Variants in GRID1 observed in about 807,000 individuals in gnomAD.
The protein encoded by GRID1 is glutamate ionotropic receptor delta type subunit 1.
A neutral mutation model predicts 98.0 loss-of-function variants in GRID1; 28 were observed. The observed-to-expected ratio is 0.29, with a 90% CI of 0.21 to 0.39. The LOEUF (loss-of-function observed/expected upper bound fraction) is 0.39. GRID1 is among the 10% of genes least tolerant of loss of function. The pLI, the probability that GRID1 is intolerant of heterozygous loss-of-function variation, is 1.00. For synonymous variants in GRID1, 553 were observed against 538.5 expected (o/e 1.03, Z -0.37); for missense variants, 1,111 against 1,340.5 (o/e 0.83, Z 2.67).
intron 4 of GRID1, among the ~76,000 whole-genome samples, chr10:86,131,036 C>T (rs1441739486): frequency 1.3e-5 from 2 of 152,194 alleles, no homozygotes; most frequent in Non-Finnish European, 2.9e-5. Flanking sequence ...CTCACCGGCA[C>T]CAGGAGAGGG....
intron 12 of GRID1, among the ~76,000 whole-genome samples, chr10:85,653,542 G>A (rs1238511777): frequency 6.6e-6 from 1 of 152,194 alleles, no homozygotes; most frequent in South Asian, 2.1e-4. Context: ...GGAAGCCTAG[G>A]AAAGGGGATG....
chr10:86,351,517 G>A (rs113966616), intron 2 of GRID1, among the ~76,000 whole-genome samples: 2 of 152,320 alleles, frequency 1.3e-5, no homozygotes, highest in African/African-American at 4.8e-5. Flanking sequence ...CTAGAAAGTA[G>A]GCATGAGATT....
At chr10:85,908,406 G>A (rs1841491435) in intron 5 of GRID1, among the ~76,000 whole-genome samples, 1 of 152,106 alleles carries the variant, frequency 6.6e-6, no homozygotes, top group African/African-American at 2.4e-5. Flanking sequence ...TGAACAACTG[G>A]AAATTAAAAT....
At position 85,602,227 on chromosome 10, in the gene GRID1, G is replaced by T. The variant is rs1590152897; in HGVS notation, c.*46C>A. The T allele has an allele frequency of 1.6e-6, 2 of 1,246,016 alleles. No individual in the cohort carries two copies. Among genetic ancestry groups the T allele is most frequent in the Non-Finnish European group, 2.2e-6 (2 of 915,724 alleles). The allele number at this position is 1,246,016 out of a possible 1,614,324, so 77.2% of individuals were successfully genotyped here. A position where few individuals can be genotyped will look rare whatever the true frequency, so the allele number is the denominator to read the frequency against. ...TTGTTTTCTTGTATTAAAAAGCTCT[G>T]CTGGTCGGGTGGGTGGGAGGGTGGG... On this transcript the variant is annotated 3_prime_UTR_variant, in exon 16 of 16. Transcript: ENST00000327946.
chr10:86,026,181 T>C (rs968067572), intron 4 of GRID1, among the ~76,000 whole-genome samples: 5 of 152,238 alleles, frequency 3.3e-5, no homozygotes, highest in African/African-American at 1.2e-4. Flanking sequence ...CACTATTTGT[T>C]TGGGATATAA....
At chr10:85,756,478 AAATCCTAAGACAGAC>A (rs1842099761) in intron 8 of GRID1, among the ~76,000 whole-genome samples, 1 of 152,210 alleles carries the variant, frequency 6.6e-6, no homozygotes, top group Admixed American at 6.5e-5. Context: ...ACAAGCATTG[AAATCCTAAGACAGAC>A]AATCTGATAA....
At chr10:86,087,341 T>TTG (rs10591518) in intron 4 of GRID1, among the ~76,000 whole-genome samples, 7,053 of 148,058 alleles carry the variant, frequency 0.048, 181 homozygotes, top group Middle Eastern at 0.083. Context: ...TTGAGTGTGT[T>TTG]TGTGTGTGTG....
At chr10:85,673,728 T>C (rs776894748) in intron 12 of GRID1, among the ~76,000 whole-genome samples, 21 of 152,244 alleles carry the variant, frequency 1.4e-4, no homozygotes, top group Non-Finnish European at 2.4e-4. Flanking sequence ...ATAACTTTTA[T>C]ATGCACTGGA....
chr10:85,641,403 C>G (rs1201949490), intron 13 of GRID1, among the ~76,000 whole-genome samples: 2 of 152,188 alleles, frequency 1.3e-5, no homozygotes, highest in African/African-American at 4.8e-5. Context: ...AGCAGTATGG[C>G]TGCTAAACAT....
intron 4 of GRID1, among the ~76,000 whole-genome samples, chr10:86,012,446 T>C (rs1016103351): frequency 8.5e-5 from 13 of 152,170 alleles, no homozygotes; most frequent in African/African-American, 2.9e-4. Flanking sequence ...CAGAGGTTAA[T>C]TGACCCTGAC....
intron 2 of GRID1, among the ~76,000 whole-genome samples, chr10:86,309,054 A>G (rs1187666659): frequency 1.3e-5 from 2 of 152,254 alleles, no homozygotes; most frequent in Non-Finnish European, 2.9e-5. Context: ...GTTTGGATAT[A>G]GCCTATACTC....
At chr10:85,732,583 A>G (rs1388882869) in intron 8 of GRID1, among the ~76,000 whole-genome samples, 4 of 152,140 alleles carry the variant, frequency 2.6e-5, no homozygotes, top group African/African-American at 9.7e-5. Flanking sequence ...CTTCTGGCTC[A>G]CTGCTTGGCT....
chr10:85,897,252 C>A (rs1056568315), intron 5 of GRID1, among the ~76,000 whole-genome samples: 5 of 152,162 alleles, frequency 3.3e-5, no homozygotes, highest in African/African-American at 1.2e-4. Flanking sequence ...CCCAGACACA[C>A]CTACACAGTG....
At chr10:85,662,721 G>C (rs781180642) in intron 12 of GRID1, among the ~76,000 whole-genome samples, 25 of 152,212 alleles carry the variant, frequency 1.6e-4, no homozygotes, top group East Asian at 1.9e-4. Context: ...GAAGAGGGCT[G>C]CACTGTGTCG....
At chr10:85,836,706 A>G (rs1286153998) in intron 8 of GRID1, among the ~76,000 whole-genome samples, 1 of 152,116 alleles carries the variant, frequency 6.6e-6, no homozygotes, top group Admixed American at 6.5e-5. Flanking sequence ...CCTAAATAAG[A>G]GACTTTAGCT....
intron 4 of GRID1, among the ~76,000 whole-genome samples, chr10:85,953,759 T>G (rs1041533485): frequency 6.6e-6 from 1 of 152,182 alleles, no homozygotes; most frequent in Non-Finnish European, 1.5e-5. Context: ...GCATAATTCC[T>G]CCCCAGAACA....
At chr10:86,320,114 A>G (rs1468086123) in intron 2 of GRID1, among the ~76,000 whole-genome samples, 3 of 152,242 alleles carry the variant, frequency 2.0e-5, no homozygotes, top group African/African-American at 7.2e-5. Flanking sequence ...CAATTTATAG[A>G]TTACGGTAAA....
chr10:86,127,936 C>T (rs1844777672), intron 4 of GRID1, among the ~76,000 whole-genome samples: 1 of 152,188 alleles, frequency 6.6e-6, no homozygotes, highest in Non-Finnish European at 1.5e-5. Flanking sequence ...ACCAGGCCCT[C>T]TCAAGAGCAT....
intron 2 of GRID1, among the ~76,000 whole-genome samples, chr10:86,228,657 C>T (rs1333039244): frequency 6.6e-6 from 1 of 152,058 alleles, no homozygotes; most frequent in Non-Finnish European, 1.5e-5. Flanking sequence ...TCTCCTGGAC[C>T]CCCCAGTACC....
Sources: allele counts gnomAD v4.1 joint callset (sites outside exome capture counted in the v4.1 genomes callset), GRCh38; gene constraint gnomAD v4.1.1; transcripts MANE v1.5; gene names NCBI Gene and HGNC (gene_info 2026-07-23, HGNC 2026-07-21).